PCSK5: variants seen among roughly 807,000 people sequenced by gnomAD.
The protein encoded by PCSK5 is proprotein convertase subtilisin/kexin type 5.
In PCSK5, 129 loss-of-function variants were observed where a neutral mutation model predicts 233.2. That is an observed-to-expected ratio of 0.55 (90% CI 0.48 to 0.64). The LOEUF (loss-of-function observed/expected upper bound fraction) is 0.64. PCSK5 is among the 30% of genes least tolerant of loss of function. PCSK5 has a pLI of 0.00. For missense variants in PCSK5, 2,076 were observed against 2,430.1 expected (o/e 0.85, Z 3.06); for synonymous variants, 825 against 879.2 (o/e 0.94, Z 1.09).
chr9:76,349,378 C>T (rs1830063230), intron 35 of PCSK5, among the ~76,000 whole-genome samples: 1 of 151,502 alleles, frequency 6.6e-6, no homozygotes, highest in African/African-American at 2.4e-5. Flanking sequence ...ACCACAATAA[C>T]GTTCCAGAAC....
intron 24 of PCSK5, among the ~76,000 whole-genome samples, chr9:76,259,799 T>C (rs1827109175): frequency 1.3e-5 from 2 of 152,220 alleles, no homozygotes; most frequent in South Asian, 4.1e-4. Context: ...TTGTGGAGCA[T>C]GGAAGAGCCA....
At chr9:75,897,355 A>G (rs13284144) in intron 1 of PCSK5, among the ~76,000 whole-genome samples, 88,889 of 151,616 alleles carry the variant, frequency 0.59, 28,171 homozygotes, top group African/African-American at 0.81. Context: ...CTTTTCCCCC[A>G]AGAGCCATGG....
chr9:76,231,664 G>A (rs1022292654), intron 21 of PCSK5, among the ~76,000 whole-genome samples: 4 of 152,136 alleles, frequency 2.6e-5, no homozygotes, highest in Non-Finnish European at 5.9e-5. Context: ...ACTATTCCTT[G>A]AAAAGTCTTC....
intron 30 of PCSK5, among the ~76,000 whole-genome samples, chr9:76,317,503 A>G (rs1156831789): frequency 2.0e-5 from 3 of 152,270 alleles, no homozygotes; most frequent in African/African-American, 7.2e-5. Context: ...GTGCTGATTA[A>G]TTAAAACACC....
At chr9:76,180,997 C>T (rs1823845515) in intron 15 of PCSK5, among the ~76,000 whole-genome samples, 1 of 151,998 alleles carries the variant, frequency 6.6e-6, no homozygotes, top group Non-Finnish European at 1.5e-5. Context: ...CACACATGCA[C>T]ATACAGGATC....
At chr9:76,018,442 G>C (rs1317234099) in intron 3 of PCSK5, among the ~76,000 whole-genome samples, 4 of 151,450 alleles carry the variant, frequency 2.6e-5, no homozygotes, top group Non-Finnish European at 4.4e-5. Flanking sequence ...GCCTCCTGTC[G>C]AATCAGCAGC....
chr9:75,935,211 G>A (rs1288003513), intron 2 of PCSK5, among the ~76,000 whole-genome samples: 1 of 152,088 alleles, frequency 6.6e-6, no homozygotes, highest in African/African-American at 2.4e-5. Flanking sequence ...GAGACTACAG[G>A]TGCATGCCAC....
chr9:75,899,027 A>G lies in PCSK5; in HGVS notation c.192+7654A>G, dbSNP rs550483603. Among the ~76,000 whole-genome samples the G allele has an allele frequency of 2.0e-3, 298 of 152,344 alleles. 1 individual carries two copies. Among genetic ancestry groups the G allele is most frequent in the Non-Finnish European group, 3.4e-3 (234 of 68,032 alleles). ...TGGCAGAGTGGTTATTGTGTTGGCA[A>G]TGATTATTGGTAATGGAAACAGGAG... On this transcript the variant is annotated intron_variant, in intron 1 of 37. Transcript: ENST00000674117.
intron 1 of PCSK5, among the ~76,000 whole-genome samples, chr9:75,905,779 G>A (rs914335523): frequency 2.0e-5 from 3 of 152,092 alleles, no homozygotes; most frequent in African/African-American, 2.4e-5. Flanking sequence ...TCTAGGTTGC[G>A]TGCTCCTTAT....
chr9:76,037,012 AC>A (rs1305050972), intron 5 of PCSK5, among the ~76,000 whole-genome samples: 4 of 152,230 alleles, frequency 2.6e-5, no homozygotes, highest in African/African-American at 7.2e-5. Context: ...GTTTGCTAAT[AC>A]CATGTGTATG....
At chr9:75,956,222 A>G (rs192059778) in intron 2 of PCSK5, among the ~76,000 whole-genome samples, 12 of 152,308 alleles carry the variant, frequency 7.9e-5, no homozygotes, top group Middle Eastern at 3.4e-3. Flanking sequence ...ATACTTTGCA[A>G]TTCTTAGCAT....
At chr9:76,198,951 A>G (rs780294786) in intron 20 of PCSK5, among the ~76,000 whole-genome samples, 11 of 152,236 alleles carry the variant, frequency 7.2e-5, no homozygotes, top group Non-Finnish European at 1.5e-4. Flanking sequence ...CAAAAATAGC[A>G]TGAAACCTTA....
chr9:76,244,289 C>A (rs1213246201), intron 24 of PCSK5, among the ~76,000 whole-genome samples: 1 of 152,244 alleles, frequency 6.6e-6, no homozygotes, highest in East Asian at 1.9e-4. Flanking sequence ...TATAAGGAAG[C>A]TTTGATCAGA....
chr9:75,900,702 CTTTT>C (rs74398159), intron 1 of PCSK5, among the ~76,000 whole-genome samples: 2 of 134,182 alleles, frequency 1.5e-5, no homozygotes, highest in East Asian at 2.1e-4. Flanking sequence ...AAACAAACAA[CTTTT>C]TTTTTTTTTT....
intron 5 of PCSK5, among the ~76,000 whole-genome samples, chr9:76,050,111 T>C (rs1829570462): frequency 1.3e-5 from 2 of 152,230 alleles, no homozygotes; most frequent in African/African-American, 4.8e-5. Flanking sequence ...TGGTACTTGA[T>C]AGATATTTGC....
chr9:76,095,647 T>C (rs1306244226), intron 7 of PCSK5, among the ~76,000 whole-genome samples: 2 of 152,048 alleles, frequency 1.3e-5, no homozygotes, highest in African/African-American at 2.4e-5. Context: ...ACACTTTGAA[T>C]TGTGCTTTGT....
Position 76,308,666 on chromosome 9 carries a change from C to T in PCSK5, c.3626C>T (p.Pro1209Leu). 1.2e-6 allele frequency: 2 copies of T among 1,607,166 alleles called. No individual in the cohort carries two copies. The highest frequency in any genetic ancestry group is 1.7e-6 in the Non-Finnish European group (2 of 1,174,770). ...IKRDILRKLQ[P>L]CHSSCKTCNG... ...ACAGATATTTTGAGAAAACTCCAGC[C>T]TTGTCATTCTTCTTGTAAAACCTGC... is the stretch of plus-strand genomic sequence containing the variant. Residue 1209 changes from proline to leucine, a missense_variant, in exon 29 of 38, where the codon CCT becomes CTT. Pro to Leu is a moderately conservative substitution (Grantham distance 98). Coordinates refer to ENST00000674117, the MANE Select transcript of PCSK5 (RefSeq NM_001372043.1).
chr9:76,291,333 T>C (rs1479051257), intron 24 of PCSK5, among the ~76,000 whole-genome samples: 2 of 152,182 alleles, frequency 1.3e-5, no homozygotes, highest in African/African-American at 4.8e-5. Flanking sequence ...AATGATATAG[T>C]TTTATTTTGT....
chr9:76,194,413 T>A (rs2131257144), intron 20 of PCSK5: 1 of 152,716 alleles, frequency 6.5e-6, no homozygotes. Context: ...CGGGCAACTT[T>A]TTTCAATGGT....
Sources: allele counts gnomAD v4.1 joint callset (sites outside exome capture counted in the v4.1 genomes callset), GRCh38; gene constraint gnomAD v4.1.1; transcripts MANE v1.5; gene names NCBI Gene and HGNC (gene_info 2026-07-23, HGNC 2026-07-21).